The following PIP4K2A variants were observed in gnomAD, a reference collection of about 807,000 sequenced individuals.
PIP4K2A encodes phosphatidylinositol 5-phosphate 4-kinase type-2 alpha.
PIP4K2A carries 14 observed loss-of-function variants against 42.9 expected under a neutral mutation model. The ratio of observed to expected loss-of-function variants is 0.33; its 90% CI spans 0.22 to 0.51. The LOEUF (loss-of-function observed/expected upper bound fraction) is 0.51. Ranked by LOEUF, PIP4K2A falls within the 20% of genes least tolerant of loss-of-function variation. The pLI is 0.97. For missense variants in PIP4K2A, 434 were observed against 519.8 expected, an observed-to-expected ratio of 0.83 and a Z score of 1.61; for synonymous variants, 192 against 192.2, an observed-to-expected ratio of 1.00 and a Z score of 0.01.
At chr10:22,646,498 A>G (rs1838884768) in intron 1 of PIP4K2A, among the ~76,000 whole-genome samples, 1 of 152,078 alleles carries the variant, frequency 6.6e-6, no homozygotes, top group South Asian at 2.1e-4. Flanking sequence ...CAGTTCACAC[A>G]TTTTTCTTAC....
At chr10:22,697,929 G>C (rs16922609) in intron 1 of PIP4K2A, among the ~76,000 whole-genome samples, 2,521 of 152,264 alleles carry the variant, frequency 0.017, 65 homozygotes, top group African/African-American at 0.057. Flanking sequence ...TACATGGGAA[G>C]AATTCTGCCT....
intron 1 of PIP4K2A, chr10:22,642,015 T>C (rs1838792565): frequency 6.6e-6 from 1 of 152,216 alleles, no homozygotes; most frequent in Non-Finnish European, 1.5e-5. Flanking sequence ...CATAATTTAA[T>C]GATGAGATAT....
chr10:22,612,535 A>G (rs923291121), intron 1 of PIP4K2A, among the ~76,000 whole-genome samples: 2 of 152,168 alleles, frequency 1.3e-5, no homozygotes, highest in African/African-American at 4.8e-5. Context: ...CAGGCCCAGG[A>G]GCACCGGGAA....
At position 22,536,887 on chromosome 10, in the gene PIP4K2A, A is replaced by C. The variant is rs555614797; in HGVS notation, c.*314T>G. 12 of 254,682 alleles carry C rather than the reference A, an allele frequency of 4.7e-5. No homozygotes were observed. In the South Asian group the frequency reaches 8.1e-4, roughly 17 times the overall value. The allele number at this position is 254,682 out of a possible 1,614,324, so 15.8% of individuals were successfully genotyped here. On this transcript the variant is annotated 3_prime_UTR_variant, in exon 10 of 10. Transcript: ENST00000376573. ...GGAATCAAAGGGTCTTTGTTGGGACACATACTGACCGAAGTGGATCTGTTT... is the reference window on the plus strand; with the variant it reads ...GGAATCAAAGGGTCTTTGTTGGGACCCATACTGACCGAAGTGGATCTGTTT...
intron 6 of PIP4K2A, among the ~76,000 whole-genome samples, chr10:22,553,787 A>T (rs1371975119): frequency 1.6e-5 from 2 of 123,344 alleles, no homozygotes; most frequent in Admixed American, 2.1e-4. Context: ...CAGGTTGAAA[A>T]ACTTTTTTTT....
chr10:22,677,630 GA>G (rs1839584114), intron 1 of PIP4K2A, among the ~76,000 whole-genome samples: 1 of 152,120 alleles, frequency 6.6e-6, no homozygotes, highest in East Asian at 1.9e-4. Context: ...CTCTACTTTT[GA>G]AATGTTTTAA....
rs1837988288 is a variant in PIP4K2A at position 22,609,712 on chromosome 10, A to G, written c.150T>C (p.Asn50=). 1 of 1,585,880 alleles carries G rather than the reference A, an allele frequency of 6.3e-7. No homozygotes were observed. Among genetic ancestry groups the G allele is most frequent in the Non-Finnish European group, 8.6e-7 (1 of 1,157,190 alleles). Residue 50 remains asparagine, a synonymous_variant, in exon 2 of 10, where the codon AAT becomes AAC. Transcript: ENST00000376573. ...CAGGGATTTGAACATGGCTCAGTTCATTGATCTGGAAAAATATAAAATAAA... is the reference window on the plus strand; with the variant it reads ...CAGGGATTTGAACATGGCTCAGTTCGTTGATCTGGAAAAATATAAAATAAA... ...VLMWGVNHSI[N]ELSHVQIPVM... is the part of the protein sequence containing the mutation.
At chr10:22,605,433 T>G (rs73598580) in intron 3 of PIP4K2A, among the ~76,000 whole-genome samples, 10,310 of 152,258 alleles carry the variant, frequency 0.068, 1,170 homozygotes, top group African/African-American at 0.23. Context: ...TCAACTTACG[T>G]AGTTTTCTTT....
At chr10:22,587,246 A>C (rs1009012515) in intron 4 of PIP4K2A, among the ~76,000 whole-genome samples, 3 of 152,222 alleles carry the variant, frequency 2.0e-5, no homozygotes, top group African/African-American at 4.8e-5. Context: ...AAAAGAAAAA[A>C]AAAAGGGCTG....
At chr10:22,649,525 A>C (rs1234635823) in intron 1 of PIP4K2A, among the ~76,000 whole-genome samples, 1 of 152,198 alleles carries the variant, frequency 6.6e-6, no homozygotes, top group Non-Finnish European at 1.5e-5. Context: ...CAAGACCAGG[A>C]GAAGAAAACA....
rs150559495 is a variant in PIP4K2A, at chr10:22,624,533, T to C, written c.145-14816A>G. ...GTATTCAAAGAACTACTGTGTATGG[T>C]TGAGAGGGAAGAAGAATGCAAGCAC... On this transcript the variant is annotated intron_variant, in intron 1 of 9. Coordinates refer to ENST00000376573, the MANE Select transcript of PIP4K2A (RefSeq NM_005028.5). Among the ~76,000 whole-genome samples the C allele has an allele frequency of 4.7e-3, 714 of 152,038 alleles. 7 individuals are homozygous for C. The highest frequency in any genetic ancestry group is 0.015 in the African/African-American group (634 of 41,334).
intron 1 of PIP4K2A, among the ~76,000 whole-genome samples, chr10:22,675,758 T>C (rs190168747): frequency 1.3e-4 from 20 of 152,282 alleles, no homozygotes; most frequent in Admixed American, 2.6e-4. Context: ...AGCCCTCACA[T>C]CCACTCTACA....
intron 6 of PIP4K2A, among the ~76,000 whole-genome samples, chr10:22,554,530 G>A (rs772774760): frequency 1.3e-5 from 2 of 152,170 alleles, no homozygotes; most frequent in Non-Finnish European, 2.9e-5. Flanking sequence ...TTCTAGTTCA[G>A]TGCAGAAACA....
intron 6 of PIP4K2A, among the ~76,000 whole-genome samples, chr10:22,553,868 G>A (rs2130765584): frequency 6.7e-6 from 1 of 149,524 alleles, no homozygotes; most frequent in African/African-American, 2.5e-5. Context: ...GGGCGTGGCG[G>A]CTCACACCTG....
chr10:22,639,403 C>A (rs1588679171), intron 1 of PIP4K2A, among the ~76,000 whole-genome samples: 1 of 145,092 alleles, frequency 6.9e-6, no homozygotes. Context: ...CTTAGAGACA[C>A]AAAACAAATA....
At chr10:22,559,346 G>A (rs1378328868) in intron 6 of PIP4K2A, among the ~76,000 whole-genome samples, 1 of 152,180 alleles carries the variant, frequency 6.6e-6, no homozygotes, top group Non-Finnish European at 1.5e-5. Flanking sequence ...CCTAACAGCA[G>A]TGCTCCACGT....
chr10:22,625,252 C>T (rs1286762723), intron 1 of PIP4K2A, among the ~76,000 whole-genome samples: 2 of 152,182 alleles, frequency 1.3e-5, no homozygotes, highest in Non-Finnish European at 2.9e-5. Flanking sequence ...TAAAAAATCA[C>T]TATTAAAACA....
Position 22,693,986 on chromosome 10 carries a change from C to T in PIP4K2A, c.144+20197G>A, listed in dbSNP as rs781518213. On this transcript the variant is annotated intron_variant, in intron 1 of 9. Coordinates refer to ENST00000376573, the MANE Select transcript of PIP4K2A (RefSeq NM_005028.5). The stretch of plus-strand genomic sequence containing the variant: ...CGGAGCCCTCGGATTAAAGCAAAGG[C>T]GATTCAAAAATACATTACTGGCTGG... 4.6e-5 allele frequency: 7 copies of T among 152,136 alleles called. 1 individual carries two copies. Among genetic ancestry groups the T allele is most frequent in the African/African-American group, 1.4e-4 (6 of 41,502 alleles). The allele number at this position is 152,136 out of a possible 1,614,324, so 9.4% of individuals were successfully genotyped here. A position where few individuals can be genotyped will look rare whatever the true frequency, so the allele number is the denominator to read the frequency against.
chr10:22,707,985 G>A (rs936189586), intron 1 of PIP4K2A, among the ~76,000 whole-genome samples: 2 of 152,154 alleles, frequency 1.3e-5, no homozygotes, highest in African/African-American at 2.4e-5. Context: ...GAAAAGAAAT[G>A]AGGATAAAGG....
Sources: allele counts gnomAD v4.1 joint callset (sites outside exome capture counted in the v4.1 genomes callset), GRCh38; gene constraint gnomAD v4.1.1; transcripts MANE v1.5; gene names NCBI Gene and HGNC (gene_info 2026-07-23, HGNC 2026-07-21).